ANO8: variants seen among roughly 807,000 people sequenced by gnomAD.
ANO8 encodes the protein anoctamin 8.
ANO8 carries 67 observed loss-of-function variants against 120.4 expected under a neutral mutation model. That is an observed-to-expected ratio of 0.56 (90% CI 0.46 to 0.68). ANO8 has a LOEUF of 0.68. Among genes scored for constraint, ANO8 ranks in the 30% least tolerant of loss-of-function variants. ANO8 has a pLI of 0.00. For missense variants in ANO8, 1,526 were observed against 1,737.6 expected, an observed-to-expected ratio of 0.88 and a Z score of 2.16; for synonymous variants, 727 against 759.2, an observed-to-expected ratio of 0.96 and a Z score of 0.70.
chr19:17,330,992 G>T lies in ANO8; in HGVS notation c.832-3C>A. ...ACGCAGGAAACATCCCGGCTTGTCT[G>T]TGAGTGGCAGAGAAGAGTTGAGTCA... On this transcript the variant is annotated splice_polypyrimidine_tract_variant and splice_region_variant and intron_variant, in intron 7 of 17. Coordinates refer to ENST00000159087, the MANE Select transcript of ANO8 (RefSeq NM_020959.3). 6.2e-7 allele frequency: 1 copy of T among 1,614,192 alleles called. No homozygotes were observed. The highest frequency in any genetic ancestry group is 8.5e-7 in the Non-Finnish European group (1 of 1,180,006).
Position 17,323,311 on chromosome 19 carries a change from C to CTGTGTGTGTGTGTGTGTG in ANO8, c.*188_*205dup, listed in dbSNP as rs58263758. The CTGTGTGTGTGTGTGTGTG allele has an allele frequency of 3.7e-4, 122 of 327,566 alleles. No homozygotes were observed. The highest frequency in any genetic ancestry group is 8.0e-4 in the Middle Eastern group (1 of 1,244). The allele number at this position is 327,566 out of a possible 1,614,324, so 20.3% of individuals were successfully genotyped here. On this transcript the variant is annotated 3_prime_UTR_variant, in exon 18 of 18. Coordinates refer to ENST00000159087, the MANE Select transcript of ANO8 (RefSeq NM_020959.3). The stretch of plus-strand genomic sequence containing the variant: ...AAAAACAAATAAATAATCGCCTGTT[C>CTGTGTGTGTGTGTGTGTG]TGTGTGTGTGTGTGTGTGTGTGTGT...
Position 17,323,468 on chromosome 19 carries a change from T to A in ANO8, c.*49A>T. 7.8e-7 allele frequency: 1 copy of A among 1,285,118 alleles called. No individual in the cohort carries two copies. The highest frequency in any genetic ancestry group is 9.9e-7 in the Non-Finnish European group (1 of 1,014,818). The allele number at this position is 1,285,118 out of a possible 1,614,324, so 79.6% of individuals were successfully genotyped here. On this transcript the variant is annotated 3_prime_UTR_variant, in exon 18 of 18. Coordinates refer to ENST00000159087, the MANE Select transcript of ANO8 (RefSeq NM_020959.3). ...TTGCATTTTGGAGACCGGCCGCCCC[T>A]GTGAATGACTGATATTGCATATGAG...
chr19:17,328,148 C>T lies in ANO8; in HGVS notation c.2226+14G>A, dbSNP rs2074286254. The T allele has an allele frequency of 6.5e-7, 1 of 1,540,536 alleles. No individual in the cohort carries two copies. The highest frequency in any genetic ancestry group is 8.8e-7 in the Non-Finnish European group (1 of 1,141,928). On this transcript the variant is annotated intron_variant, in intron 13 of 17. Coordinates refer to ENST00000159087, the MANE Select transcript of ANO8 (RefSeq NM_020959.3). ...CGAGGCCCCGCCCCCTGCGAGGCCC[C>T]GCCCCCTCCTCACCTCGTACTTCTT...
Position 17,328,712 on chromosome 19 carries a change from G to T in ANO8, c.1676C>A (p.Ala559Glu), listed in dbSNP as rs1305996736. 1.0e-5 allele frequency: 13 copies of T among 1,245,758 alleles called. No individual in the cohort carries two copies. Among genetic ancestry groups the T allele is most frequent in the South Asian group, 1.7e-5 (1 of 60,004 alleles). 77.2% of individuals were successfully genotyped at this position (1,245,758 alleles called of 1,614,324 possible). ...GCGAPEEEEE[A>E]ALVERRRAGE... ...CGCCCGCCGCCGCTCCACCAGCGCC[G>T]CCTCCTCCTCCTCCTCCGGCGCCCC... Residue 559 changes from alanine to glutamate, a missense_variant, in exon 13 of 18, where the codon GCG (alanine) becomes GAG (glutamate). This residue lies in a region of ANO8 where 467 missense variants were observed against 425.8 expected (regional missense o/e 1.10). Transcript: ENST00000159087.
Position 17,327,356 on chromosome 19 carries a change from G to T in ANO8, c.2551-11C>A, listed in dbSNP as rs1220648613. The stretch of plus-strand genomic sequence containing the variant: ...GAGCAGAGCGAAGTGCTGCAGGGGT[G>T]GCAGAGAGGAGGCTGCAGGCTGCAG... On this transcript the variant is annotated splice_polypyrimidine_tract_variant and intron_variant, in intron 15 of 17. Transcript: ENST00000159087. The T allele has an allele frequency of 7.1e-6, 11 of 1,549,444 alleles. No homozygotes were observed. The South Asian group carries it at 1.2e-4, about 17-fold the overall frequency.
rs1157691552 is a variant in ANO8 at position 17,331,283 on chromosome 19, C to A, written c.703+12G>T. Reference sequence around the variant, plus strand: ...GCTGGGACTCCCTCCCACCCCCCAGCCCAGGCAGCACCTAGAGGCTGGTTT... The same window carrying A: ...GCTGGGACTCCCTCCCACCCCCCAGACCAGGCAGCACCTAGAGGCTGGTTT... On this transcript the variant is annotated intron_variant, in intron 6 of 17. Transcript: ENST00000159087. The A allele has an allele frequency of 5.0e-6, 8 of 1,614,052 alleles. No individual in the cohort carries two copies. The highest frequency in any genetic ancestry group is 6.8e-6 in the Non-Finnish European group (8 of 1,180,036).
chr19:17,329,099 A>G (rs1468888447), intron 12 of ANO8, 116 bp from the exon 13 acceptor site: 70 of 798,450 alleles, frequency 8.8e-5, no homozygotes, highest in Non-Finnish European at 5.4e-6. Flanking sequence ...CACACGCCGA[A>G]TCCGGTTCCT....
chr19:17,328,106 G>T (rs974021168), intron 13 of ANO8, 56 bp downstream of exon 13: 4 of 1,343,686 alleles, frequency 3.0e-6, no homozygotes, highest in South Asian at 1.4e-5. Context: ...CCCTCGGACG[G>T]TGTGTCCCGT....
At chr19:17,325,475 A>G (rs1232556295) in intron 16 of ANO8, 89 bp from the exon 17 acceptor site, 4 of 1,476,252 alleles carry the variant, frequency 2.7e-6, no homozygotes, top group Non-Finnish European at 3.6e-6. Flanking sequence ...GGCTCTCTGC[A>G]AAAGTGGGGG....
chr19:17,332,240 T>G (rs1013345999), intron 5 of ANO8, among the ~76,000 whole-genome samples: 9 of 96,016 alleles, frequency 9.4e-5, no homozygotes, highest in Non-Finnish European at 6.4e-5. Context: ...CGGCCTTATT[T>G]TTTACTTTAT....
chr19:17,327,702 A>G lies in ANO8; in HGVS notation c.2405T>C (p.Ile802Thr). ...QRPFGQRVES[I>T]GQWQKVMEAM... ...GCTTCCCCCCACCTGCCACTGGCCG[A>G]TGCTTTCCACGCGCTGGCCGAAGGG... is the stretch of plus-strand genomic sequence containing the variant. Residue 802 changes from isoleucine to threonine, a missense_variant, in exon 14 of 18, where the codon ATC becomes ACC. By Grantham distance (89) the Ile-to-Thr change is moderately conservative. Coordinates refer to ENST00000159087, the MANE Select transcript of ANO8 (RefSeq NM_020959.3). 6.2e-7 allele frequency: 1 copy of G among 1,613,390 alleles called. No homozygotes were observed.
Position 17,328,401 on chromosome 19 carries a change from C to T in ANO8, c.1987G>A (p.Ala663Thr). ...VFTLAEEDDE[A>T]EGAPGSPERE... ...TCAGGGCTGCCGGGAGCCCCCTCCG[C>T]CTCGTCGTCCTCCTCGGCCAGGGTG... Residue 663 changes from alanine to threonine, a missense_variant, in exon 13 of 18, where the codon GCG becomes ACG. Ala to Thr is a moderately conservative substitution (Grantham distance 58, BLOSUM62 0). Transcript: ENST00000159087. 6.5e-7 allele frequency: 1 copy of T among 1,538,666 alleles called. No individual in the cohort carries two copies. Among genetic ancestry groups the T allele is most frequent in the Non-Finnish European group, 8.8e-7 (1 of 1,138,886 alleles).
Position 17,323,362 on chromosome 19 carries a change from G to C in ANO8, c.*155C>G. On this transcript the variant is annotated 3_prime_UTR_variant, in exon 18 of 18. Transcript: ENST00000159087. ...GTGTGTGTTTTCTGTTGGATTTGTGGGTTTCCTTTCGTTTGGAAAGGAAAA... is the reference window on the plus strand; with the variant it reads ...GTGTGTGTTTTCTGTTGGATTTGTGCGTTTCCTTTCGTTTGGAAAGGAAAA... The C allele has an allele frequency of 2.5e-6, 1 of 407,792 alleles. No individual in the cohort carries two copies. The allele number at this position is 407,792 out of a possible 1,614,324, so 25.3% of individuals were successfully genotyped here. A position where few individuals can be genotyped will look rare whatever the true frequency, so the allele number is the denominator to read the frequency against.
rs1379828349 is a variant in ANO8, at chr19:17,333,832, C to T, written c.107-32G>A. On this transcript the variant is annotated intron_variant, in intron 1 of 17. Transcript: ENST00000159087. The surrounding 1 kb of genome is among the most constrained non-coding windows in gnomAD (Gnocchi z 7.2). Reference sequence around the variant, plus strand: ...GGCGGCGTAGCAGGCCCGGGTCAGGCCACTCTGGGATCCGGACCCGGCCTC... The same window carrying T: ...GGCGGCGTAGCAGGCCCGGGTCAGGTCACTCTGGGATCCGGACCCGGCCTC... 1 of 1,541,028 alleles carries T rather than the reference C, an allele frequency of 6.5e-7. No individual in the cohort carries two copies. Among genetic ancestry groups the T allele is most frequent in the South Asian group, 1.2e-5 (1 of 84,370 alleles).
Position 17,327,495 on chromosome 19 carries a change from C to CT in ANO8, c.2492dup (p.Arg832AlafsTer56). 6.2e-7 allele frequency: 1 copy of CT among 1,613,288 alleles called. No homozygotes were observed. The highest frequency in any genetic ancestry group is 8.5e-7 in the Non-Finnish European group (1 of 1,179,866). ...CCGGGCTCAGCCAGGGGAAGAGGCG[C>CT]TGCAGCTGCCCGCACTGGCCGATTA... On this transcript the variant is annotated frameshift_variant, in exon 15 of 18. Transcript: ENST00000159087. LOFTEE classifies it high-confidence loss of function.
At position 17,328,758 on chromosome 19, in the gene ANO8, TGCGGCCCCCGCCCCCGCTGCC is replaced by T; in HGVS notation, c.1609_1629del (p.Gly537_Arg543del). 1 of 1,315,642 alleles carries T rather than the reference TGCGGCCCCCGCCCCCGCTGCC, an allele frequency of 7.6e-7. No individual in the cohort carries two copies. The highest frequency in any genetic ancestry group is 2.2e-5 in the South Asian group (1 of 46,272). The allele number at this position is 1,315,642 out of a possible 1,614,324, so 81.5% of individuals were successfully genotyped here. ...GCCCCGCAGCCCCCGCTGAGGCACC[TGCGGCCCCCGCCCCCGCTGCC>T]GCCGCCCCCGCCCTCATCCGCCTGG... On this transcript the variant is annotated inframe_deletion, in exon 13 of 18. Transcript: ENST00000159087.
rs954663697 is a variant in ANO8 at position 17,330,701 on chromosome 19, C to G, written c.993+127G>C. On this transcript the variant is annotated intron_variant, in intron 8 of 17. Transcript: ENST00000159087. Reference sequence around the variant, plus strand: ...CCCCTGGGGAGCACACAGAGCCCGCCTCGGTTTGGCATACCCTCTTTGATG... The same window carrying G: ...CCCCTGGGGAGCACACAGAGCCCGCGTCGGTTTGGCATACCCTCTTTGATG... The G allele has an allele frequency of 8.3e-6, 12 of 1,447,512 alleles. No individual in the cohort carries two copies. The African/African-American group carries it at 1.1e-4, about 14-fold the overall frequency. 89.7% of individuals were successfully genotyped at this position (1,447,512 alleles called of 1,614,324 possible). A position where few individuals can be genotyped will look rare whatever the true frequency, so the allele number is the denominator to read the frequency against.
chr19:17,333,759 G>A lies in ANO8; in HGVS notation c.148C>T (p.Leu50=), dbSNP rs1164427052. The A allele has an allele frequency of 6.8e-6, 11 of 1,608,024 alleles. No homozygotes were observed. The highest frequency in any genetic ancestry group is 2.2e-5 in the East Asian group (1 of 44,684). Residue 50 remains leucine, a synonymous_variant, in exon 2 of 18, where the codon CTG becomes TTG. Transcript: ENST00000159087. The surrounding 1 kb of genome is among the most constrained non-coding windows in gnomAD (Gnocchi z 7.2). ...GKRLLQAGRY[L]VSHKAWMKTV... is the part of the protein sequence containing the mutation. ...TTCATCCACGCCTTGTGGGACACCA[G>A]GTAGCGACCAGCCTGCAGGAGCCGC... is the stretch of plus-strand genomic sequence containing the variant.
rs768976940 is a variant in ANO8, at chr19:17,323,589, G to C, written c.3627C>G (p.Leu1209=). The part of the protein sequence containing the change: ...PPPLPPTSDP[L]ETPAPSPSPS... ...GGCTAGGGGAGGGCGCTGGGGTCTC[G>C]AGGGGATCCGAGGTGGGCGGTAGCG... Residue 1209 remains leucine, a synonymous_variant, in exon 18 of 18, where the codon CTC becomes CTG. Transcript: ENST00000159087. 9.4e-6 allele frequency: 12 copies of C among 1,273,808 alleles called. No individual in the cohort carries two copies. The highest frequency in any genetic ancestry group is 3.3e-5 in the South Asian group (1 of 30,644). 78.9% of individuals were successfully genotyped at this position (1,273,808 alleles called of 1,614,324 possible).
Sources: allele counts gnomAD v4.1 joint callset (sites outside exome capture counted in the v4.1 genomes callset), GRCh38; gene constraint gnomAD v4.1.1; regional missense constraint gnomAD v4.1.1; non-coding constraint Gnocchi (gnomAD v3.1); transcripts MANE v1.5; gene names NCBI Gene and HGNC (gene_info 2026-07-23, HGNC 2026-07-21).